The following PCDH15 variants were observed in gnomAD, a reference collection of about 807,000 sequenced individuals.
PCDH15 encodes protocadherin-15.
PCDH15 carries 129 observed loss-of-function variants against 178.5 expected under a neutral mutation model. The ratio of observed to expected loss-of-function variants is 0.72; its 90% CI spans 0.63 to 0.84. PCDH15 has a LOEUF of 0.84. Among genes scored for constraint, PCDH15 ranks in the 40% least tolerant of loss-of-function variants. The probability of loss-of-function intolerance (pLI) is 0.00; values close to 1 mark genes in which losing one functional copy is unlikely to be tolerated. For synonymous variants in PCDH15, 800 were observed against 732.0 expected (o/e 1.09, Z -1.50); for missense variants, 2,230 against 2,099.9 (o/e 1.06, Z -1.21).
chr10:55,318,962 G>C lies in PCDH15; in HGVS notation c.-156+637C>G, dbSNP rs76103632. On this transcript the variant is annotated intron_variant, in intron 1 of 5. Coordinates refer to the PCDH15 transcript ENST00000458638. ...AGTGCCTTCTCACCTTTAGTGTGGT[G>C]TAAAAATTTTTAAGGTGAGAATCTT... 5.2e-3 allele frequency among the ~76,000 whole-genome samples: 789 copies of C among 152,138 alleles called. 10 individuals carry two copies. Among genetic ancestry groups the C allele is most frequent in the African/African-American group, 0.018 (743 of 41,512 alleles).
chr10:54,304,361 A>C (rs369011289), intron 8 of PCDH15, among the ~76,000 whole-genome samples: 1 of 152,248 alleles, frequency 6.6e-6, no homozygotes. Flanking sequence ...GCAAATCTAC[A>C]TTAGGAAGAG....
At chr10:53,828,518 T>C in intron 31 of PCDH15, 47 bp downstream of exon 31, 2 of 1,480,472 alleles carry the variant, frequency 1.4e-6, no homozygotes, top group Non-Finnish European at 1.9e-6. Context: ...CGGGTTTCTC[T>C]TTTCCTATTA....
intron 2 of PCDH15, among the ~76,000 whole-genome samples, chr10:54,536,532 C>T (rs1356513214): frequency 3.3e-5 from 5 of 152,102 alleles, no homozygotes; most frequent in South Asian, 4.2e-4. Flanking sequence ...AGGAGGTATA[C>T]AATATGCAGG....
Position 55,132,465 on chromosome 10 carries a change from A to G in PCDH15, c.-80+34111T>C, listed in dbSNP as rs982573683. Among the ~76,000 whole-genome samples, 8 of 152,332 alleles carry G rather than the reference A, an allele frequency of 5.3e-5. No homozygotes were observed. The South Asian group carries it at 1.7e-3, about 32-fold the overall frequency. The stretch of plus-strand genomic sequence containing the variant: ...TGGGGTTTTAAAAGAAATAAAAAGC[A>G]CGTGCTTCCCACTGATTAATGTGAG... On this transcript the variant is annotated intron_variant, in intron 2 of 5. Coordinates refer to the PCDH15 transcript ENST00000458638.
rs1367904114 is a variant in PCDH15, at chr10:54,378,644, A to G, written c.318+138T>C. On this transcript the variant is annotated intron_variant, in intron 4 of 37. Coordinates refer to ENST00000644397, the MANE Select transcript of PCDH15 (RefSeq NM_001384140.1). ...TTCCTTTCTCATTCTTCTTTAAATG[A>G]GTTAAAGAAACTGTTGTTGCTATAC... 14 of 936,144 alleles carry G rather than the reference A, an allele frequency of 1.5e-5. No homozygotes were observed. In the South Asian group the frequency reaches 2.0e-4, roughly 14 times the overall value. 58.0% of individuals were successfully genotyped at this position (936,144 alleles called of 1,614,324 possible). A position where few individuals can be genotyped will look rare whatever the true frequency, so the allele number is the denominator to read the frequency against.
chr10:54,551,089 A>G (rs1455862528), intron 2 of PCDH15, among the ~76,000 whole-genome samples: 1 of 130,894 alleles, frequency 7.6e-6, no homozygotes, highest in Non-Finnish European at 1.6e-5. Context: ...TGGGAGGCAG[A>G]GGTTGCAGTG....
intron 2 of PCDH15, among the ~76,000 whole-genome samples, chr10:55,455,517 T>C (rs1839531059): frequency 6.6e-6 from 1 of 152,154 alleles, no homozygotes; most frequent in Non-Finnish European, 1.5e-5. Flanking sequence ...AGCACAATTC[T>C]AATATTTAAA....
At chr10:54,817,583 A>C (rs2133736631) in intron 3 of PCDH15, among the ~76,000 whole-genome samples, 1 of 152,192 alleles carries the variant, frequency 6.6e-6, no homozygotes, top group Non-Finnish European at 1.5e-5. Context: ...TGATTCTATT[A>C]GTAAAATTGT....
At chr10:55,128,153 A>G (rs1837950579) in intron 2 of PCDH15, among the ~76,000 whole-genome samples, 1 of 151,996 alleles carries the variant, frequency 6.6e-6, no homozygotes, top group Non-Finnish European at 1.5e-5. Flanking sequence ...AGATGCACTA[A>G]GATTTTCTTT....
chr10:53,842,888 G>A (rs900964122), intron 28 of PCDH15, among the ~76,000 whole-genome samples: 2 of 152,154 alleles, frequency 1.3e-5, no homozygotes, highest in African/African-American at 4.8e-5. Context: ...GCCTTCTCCA[G>A]TGCATTTTGG....
intron 5 of PCDH15, among the ~76,000 whole-genome samples, chr10:54,366,631 T>C (rs186149139): frequency 6.6e-6 from 1 of 152,072 alleles, no homozygotes; most frequent in African/African-American, 2.4e-5. Context: ...ACTAGTACTA[T>C]GGAAGAACTA....
At chr10:55,306,263 AACTCAGC>A (rs1444452303) in intron 1 of PCDH15, among the ~76,000 whole-genome samples, 1 of 152,242 alleles carries the variant, frequency 6.6e-6, no homozygotes, top group East Asian at 1.9e-4. Context: ...AAAGCTCGTT[AACTCAGC>A]AAGATTTTAA....
intron 1 of PCDH15, among the ~76,000 whole-genome samples, chr10:54,787,569 G>A (rs968212140): frequency 6.6e-6 from 1 of 151,902 alleles, no homozygotes; most frequent in Non-Finnish European, 1.5e-5. Flanking sequence ...TTATCTAAAA[G>A]TGACTCTTCT....
intron 2 of PCDH15, among the ~76,000 whole-genome samples, chr10:55,423,639 C>T (rs1838678884): frequency 6.6e-6 from 1 of 151,886 alleles, no homozygotes; most frequent in African/African-American, 2.4e-5. Flanking sequence ...GATGGAAGGC[C>T]CATTCAAGGC....
intron 29 of PCDH15, among the ~76,000 whole-genome samples, chr10:53,832,184 T>TATC (rs1392928470): frequency 6.6e-6 from 1 of 152,016 alleles, no homozygotes; most frequent in Non-Finnish European, 1.5e-5. Flanking sequence ...GCGAGTAGTA[T>TATC]ATCAGTGTTG....
Position 55,228,593 on chromosome 10 carries a change from A to C in PCDH15, c.-155-61942T>G, listed in dbSNP as rs1383995034. The stretch of plus-strand genomic sequence containing the variant: ...CACCTACTTAGAAGTTATCAAATAC[A>C]TGTATGTTTGATTCAATCTCATATT... On this transcript the variant is annotated intron_variant, in intron 1 of 5. Coordinates refer to the PCDH15 transcript ENST00000458638. Among the ~76,000 whole-genome samples the C allele has an allele frequency of 3.9e-5, 6 of 152,016 alleles. 1 individual carries two copies.
chr10:53,817,980 C>A lies in PCDH15; in HGVS notation c.4452+15G>T, dbSNP rs1163762760. ...TAGTATGCTTGTTACGACATCAACA[C>A]CATAAAGCCCTTACCTCTGATCCAT... is the stretch of plus-strand genomic sequence containing the variant. On this transcript the variant is annotated intron_variant, in intron 34 of 37. Transcript: ENST00000644397. 1.0e-5 allele frequency: 4 copies of A among 398,676 alleles called. No individual in the cohort carries two copies. Among genetic ancestry groups the A allele is most frequent in the East Asian group, 7.1e-5 (2 of 27,988 alleles). 24.7% of individuals were successfully genotyped at this position (398,676 alleles called of 1,614,324 possible). A position where few individuals can be genotyped will look rare whatever the true frequency, so the allele number is the denominator to read the frequency against.
chr10:53,903,894 A>T (rs529186174), intron 25 of PCDH15, among the ~76,000 whole-genome samples: 37 of 152,190 alleles, frequency 2.4e-4, no homozygotes, highest in Non-Finnish European at 5.1e-4. Flanking sequence ...TATTTCCACA[A>T]ATGGAAAACA....
intron 27 of PCDH15, 92 bp from the exon 28 acceptor site, chr10:53,857,355 A>G (rs1466611997): frequency 2.3e-5 from 20 of 880,332 alleles, no homozygotes; most frequent in Non-Finnish European, 3.8e-5. Flanking sequence ...CCTACTATGC[A>G]TAGACACAGT....
Sources: allele counts gnomAD v4.1 joint callset (sites outside exome capture counted in the v4.1 genomes callset), GRCh38; gene constraint gnomAD v4.1.1; transcripts MANE v1.5; gene names NCBI Gene and HGNC (gene_info 2026-07-23, HGNC 2026-07-21).